The following LRRFIP2 variants were observed in gnomAD, a reference collection of about 807,000 sequenced individuals.
LRRFIP2 encodes leucine-rich repeat flightless-interacting protein 2.
LRRFIP2 carries 109 observed loss-of-function variants against 125.9 expected under a neutral mutation model. That is an observed-to-expected ratio of 0.87 (90% confidence interval 0.74 to 1.01). LRRFIP2 has a LOEUF of 1.01. LRRFIP2 is among the 50% of genes least tolerant of loss of function. The pLI is 0.00. For synonymous variants in LRRFIP2, 291 were observed against 293.1 expected (o/e 0.99, Z 0.07); for missense variants, 850 against 862.3 (o/e 0.99, Z 0.18).
intron 2 of LRRFIP2, chr3:37,140,317 A>G (rs2095660247): frequency 1.3e-5 from 2 of 152,230 alleles, no homozygotes; most frequent in African/African-American, 2.4e-5. Context: ...TGCTATTAAA[A>G]ATTGAAGCTG....
chr3:37,096,829 C>A (rs1259902462), intron 15 of LRRFIP2, among the ~76,000 whole-genome samples, 169 bp from the exon 16 acceptor site: 4 of 151,920 alleles, frequency 2.6e-5, no homozygotes, highest in Admixed American at 6.6e-5. Context: ...AAAATGTCAG[C>A]AACTTTAATT....
intron 7 of LRRFIP2, among the ~76,000 whole-genome samples, chr3:37,114,051 G>T (rs2149467500): frequency 6.6e-6 from 1 of 152,048 alleles, no homozygotes; most frequent in South Asian, 2.1e-4. Flanking sequence ...ACTGCTCTAG[G>T]TAAACCATCT....
At chr3:37,146,327 G>A (rs1055096272) in intron 2 of LRRFIP2, among the ~76,000 whole-genome samples, 6 of 152,070 alleles carry the variant, frequency 3.9e-5, no homozygotes, top group African/African-American at 1.4e-4. Flanking sequence ...TTTAAGTTCT[G>A]GGATACATGT....
chr3:37,095,470 G>C (rs186510669), intron 16 of LRRFIP2, among the ~76,000 whole-genome samples: 19 of 152,240 alleles, frequency 1.2e-4, no homozygotes, highest in Admixed American at 1.0e-3. Flanking sequence ...TAAACTGCAT[G>C]AATCTGTGCT....
chr3:37,053,621 A>G lies in LRRFIP2; in HGVS notation c.*230T>C, dbSNP rs2086005578. 6.2e-6 allele frequency: 3 copies of G among 480,864 alleles called. No homozygotes were observed. Among genetic ancestry groups the G allele is most frequent in the South Asian group, 5.7e-5 (2 of 34,938 alleles). 29.8% of individuals were successfully genotyped at this position (480,864 alleles called of 1,614,324 possible). On this transcript the variant is annotated 3_prime_UTR_variant, in exon 28 of 28. Coordinates refer to ENST00000336686, the MANE Select transcript of LRRFIP2 (RefSeq NM_006309.4). ...TCTACAATTACGGAGATAAAAAATA[A>G]AAACAGCATGGACTGGTTCTACCCT...
chr3:37,064,597 A>T (rs1575890377), intron 23 of LRRFIP2: 1 of 151,852 alleles, frequency 6.6e-6, no homozygotes, highest in South Asian at 2.1e-4. Context: ...AAAAAAAAAA[A>T]AAAAAAAGAT....
intron 3 of LRRFIP2, among the ~76,000 whole-genome samples, chr3:37,128,444 T>C (rs934626579): frequency 1.3e-5 from 2 of 152,150 alleles, no homozygotes; most frequent in African/African-American, 4.8e-5. Context: ...TGTTTTCCTT[T>C]CTGATAAAAG....
chr3:37,093,848 A>G (rs2093593518), intron 17 of LRRFIP2, among the ~76,000 whole-genome samples: 1 of 152,140 alleles, frequency 6.6e-6, no homozygotes, highest in Admixed American at 6.5e-5. Flanking sequence ...TTTGCTATAC[A>G]GGTAGCTTTC....
chr3:37,147,861 G>A lies in LRRFIP2; in HGVS notation c.90+1033C>T, dbSNP rs894374494. On this transcript the variant is annotated intron_variant, in intron 2 of 27. Transcript: ENST00000336686. ...AGTCATCTTAAATTTCCAATATACG[G>A]CAGGAAATGTTGCCAGCGATTCAAT... 3.3e-5 allele frequency among the ~76,000 whole-genome samples: 5 copies of A among 152,146 alleles called. No homozygotes were observed. The East Asian group carries it at 9.6e-4, about 29-fold the overall frequency.
chr3:37,118,857 T>C lies in LRRFIP2; in HGVS notation c.330+2635A>G, dbSNP rs550316449. Among the ~76,000 whole-genome samples, 34 of 152,324 alleles carry C rather than the reference T, an allele frequency of 2.2e-4. No individual in the cohort carries two copies. The South Asian group carries it at 6.6e-3, about 30-fold the overall frequency. On this transcript the variant is annotated intron_variant, in intron 6 of 27. Transcript: ENST00000336686. ...TAAAAATAACTGGCTGAGAAATGCA[T>C]AACTCCAAAATTATATAGCAAACCA... is the stretch of plus-strand genomic sequence containing the variant.
chr3:37,098,266 C>T (rs2093824777), intron 15 of LRRFIP2, among the ~76,000 whole-genome samples: 1 of 150,962 alleles, frequency 6.6e-6, no homozygotes, highest in African/African-American at 2.5e-5. Flanking sequence ...CAGGTAATGA[C>T]AGCGATTGAA....
At chr3:37,130,252 C>A (rs2095393193) in intron 2 of LRRFIP2, among the ~76,000 whole-genome samples, 1 of 152,184 alleles carries the variant, frequency 6.6e-6, no homozygotes, top group African/African-American at 2.4e-5. Context: ...CTTACAGTTA[C>A]CTCCAAATCC....
At chr3:37,135,195 T>G in intron 2 of LRRFIP2, 1 of 851,318 alleles carries the variant, frequency 1.2e-6, no homozygotes, top group African/African-American at 1.7e-5. Context: ...GCACGTTGGC[T>G]CACACCTGTA....
At chr3:37,136,026 GA>G (rs767763127) in intron 2 of LRRFIP2, among the ~76,000 whole-genome samples, 4 of 152,118 alleles carry the variant, frequency 2.6e-5, no homozygotes, top group Non-Finnish European at 5.9e-5. Context: ...CCAAAAAGTA[GA>G]AATAACCCAA....
At chr3:37,103,064 GA>G in intron 14 of LRRFIP2, 51 bp from the exon 15 acceptor site, 1 of 1,408,110 alleles carries the variant, frequency 7.1e-7, no homozygotes, top group Non-Finnish European at 9.6e-7. Flanking sequence ...AAAAAAGAAA[GA>G]AAAAAATAAG....
chr3:37,092,329 A>T (rs2093488935), intron 17 of LRRFIP2, among the ~76,000 whole-genome samples: 1 of 152,210 alleles, frequency 6.6e-6, no homozygotes, highest in Non-Finnish European at 1.5e-5. Flanking sequence ...TACAAGCAGG[A>T]TCAATTATTA....
intron 2 of LRRFIP2, 36 bp from the exon 3 acceptor site, chr3:37,129,185 A>C (rs374096422): frequency 6.4e-7 from 1 of 1,568,308 alleles, no homozygotes; most frequent in South Asian, 1.1e-5. Context: ...TTATACAACA[A>C]AAACAAAAAC....
intron 1 of LRRFIP2, among the ~76,000 whole-genome samples, chr3:37,158,834 T>A (rs2096265606): frequency 6.6e-6 from 1 of 152,164 alleles, no homozygotes; most frequent in African/African-American, 2.4e-5. Flanking sequence ...ACCTATCACA[T>A]ACCTTTAATT....
chr3:37,167,868 G>A (rs1325318846), intron 1 of LRRFIP2, among the ~76,000 whole-genome samples: 4 of 152,146 alleles, frequency 2.6e-5, no homozygotes, highest in East Asian at 3.9e-4. Flanking sequence ...CCAGCTACTC[G>A]AGAGACTGAG....
Sources: allele counts gnomAD v4.1 joint callset (sites outside exome capture counted in the v4.1 genomes callset), GRCh38; gene constraint gnomAD v4.1.1; transcripts MANE v1.5; gene names NCBI Gene and HGNC (gene_info 2026-07-23, HGNC 2026-07-21).